The following C2CD2L variants were observed in gnomAD, a reference collection of about 807,000 sequenced individuals.
The protein encoded by C2CD2L is C2CD2 like, also known as phospholipid transfer protein C2CD2L.
Under a neutral mutation model 69.9 loss-of-function variants are expected in C2CD2L, and 24 were observed. The ratio of observed to expected loss-of-function variants is 0.34; its 90% CI spans 0.25 to 0.48. C2CD2L has a LOEUF of 0.48. Ranked by LOEUF, C2CD2L falls within the 20% of genes least tolerant of loss-of-function variation. The probability of loss-of-function intolerance (pLI) is 0.99; values close to 1 mark genes in which losing one functional copy is unlikely to be tolerated. For synonymous variants in C2CD2L, 367 were observed against 391.0 expected, an observed-to-expected ratio of 0.94 and a Z score of 0.72; for missense variants, 811 against 941.5, an observed-to-expected ratio of 0.86 and a Z score of 1.81.
chr11:119,111,491 G>A (rs370444138), intron 6 of C2CD2L, 30 bp from the exon 7 acceptor site: 38 of 1,608,454 alleles, frequency 2.4e-5, no homozygotes, highest in Non-Finnish European at 3.1e-5. Flanking sequence ...TCTCTGATCT[G>A]AGCATCTTCT....
rs1001610741 is a variant in C2CD2L, at chr11:119,110,349, T to G, written c.450+150T>G. 1.2e-6 allele frequency: 1 copy of G among 800,224 alleles called. No homozygotes were observed. Among genetic ancestry groups the G allele is most frequent in the Non-Finnish European group, 2.0e-6 (1 of 507,798 alleles). 49.6% of individuals were successfully genotyped at this position (800,224 alleles called of 1,614,324 possible). ...AGGAAGTCTGAGAATCCCATTGAAG[T>G]TATGTGCAAAATGTTGGATGTGTGT... On this transcript the variant is annotated intron_variant, in intron 2 of 13. Transcript: ENST00000648610. The surrounding 1 kb of genome is among the most constrained non-coding windows in gnomAD (Gnocchi z 5.7).
At chr11:119,104,483 T>C (rs1394321726), upstream of C2CD2L, among the ~76,000 whole-genome samples, 1 of 152,218 alleles carries the variant, frequency 6.6e-6, no homozygotes, top group Admixed American at 6.5e-5. Context: ...GTTACTAAGA[T>C]ACTTGTCAGA....
Position 119,111,052 on chromosome 11 carries a change from A to G in C2CD2L, c.682A>G (p.Arg228Gly). 6.2e-7 allele frequency: 1 copy of G among 1,613,944 alleles called. No homozygotes were observed. The highest frequency in any genetic ancestry group is 8.5e-7 in the Non-Finnish European group (1 of 1,179,874). ...TGTTGTTCCCTTCTTCTCTCTGCAG[A>G]GAGGTGAAGAACAAGTGGAGCTCTC... is the stretch of plus-strand genomic sequence containing the variant. ...TVLPKLQARE[R>G]GEEQVELSTI... The change falls in exon 5 of 14, where the codon AGA becomes GGA. Residue 228 changes from arginine (R) to glycine (G), a missense_variant and splice_region_variant. Coordinates refer to ENST00000648610, the MANE Select transcript of C2CD2L (RefSeq NM_001290474.2).
rs1200528525 is a variant in C2CD2L at position 119,108,041 on chromosome 11, G to A, written c.300G>A (p.Glu100=). The A allele has an allele frequency of 1.9e-6, 3 of 1,600,038 alleles. No individual in the cohort carries two copies. Among genetic ancestry groups the A allele is most frequent in the African/African-American group, 2.7e-5 (2 of 72,924 alleles). Residue 100 remains glutamate, a synonymous_variant, in exon 1 of 14, where the codon GAG becomes GAA. Transcript: ENST00000648610. ...ASLFAFKSFR[E]NWQRAWVRAL... The stretch of plus-strand genomic sequence containing the variant: ...TCTTCGCCTTCAAGTCTTTCCGGGA[G>A]AACTGGCAGCGGGCTTGGGTGCGAG...
chr11:119,112,972 T>G (rs1946791084), intron 10 of C2CD2L, 98 bp downstream of exon 10: 2 of 923,360 alleles, frequency 2.2e-6, no homozygotes, highest in East Asian at 5.1e-5. Context: ...TAATTCCAAC[T>G]CCCCCTGTTT....
In C2CD2L at chr11:119,111,268, C is replaced by A. The variant is rs1317071646; in HGVS notation, c.804C>A (p.Pro268=). The A allele has an allele frequency of 1.9e-6, 3 of 1,613,858 alleles. No homozygotes were observed. The highest frequency in any genetic ancestry group is 1.7e-5 in the Admixed American group (1 of 60,002). The stretch of plus-strand genomic sequence containing the variant: ...GGACCTTCTTCTGCTCTTAGGTACC[C>A]AGTGAGAAGCCACCCATGATGCCCC... ...RACSAPGGLV[P]SEKPPMMPQA... Residue 268 remains proline, a synonymous_variant, in exon 6 of 14, where the codon CCC becomes CCA. Transcript: ENST00000648610.
chr11:119,112,248 C>A, intron 7 of C2CD2L, 80 bp from the exon 8 acceptor site: 1 of 1,237,542 alleles, frequency 8.1e-7, no homozygotes, highest in Non-Finnish European at 1.1e-6. Flanking sequence ...CAGCTCTCTG[C>A]CTCTGGCCTG....
intron 10 of C2CD2L, chr11:119,113,168 G>A (rs1467783470): frequency 2.0e-6 from 1 of 493,324 alleles, no homozygotes; most frequent in Non-Finnish European, 3.6e-6. Context: ...CTTTTCACAG[G>A]TGTCCTTAGC....
chr11:119,112,990 T>G, intron 10 of C2CD2L, 116 bp downstream of exon 10: 1 of 824,376 alleles, frequency 1.2e-6, no homozygotes, highest in South Asian at 1.7e-5. Flanking sequence ...TTTTCAGACA[T>G]TCCATTCCAG....
chr11:119,106,273 C>T (rs1946585783), upstream of C2CD2L, among the ~76,000 whole-genome samples: 1 of 152,246 alleles, frequency 6.6e-6, no homozygotes, highest in Non-Finnish European at 1.5e-5. Flanking sequence ...ATTCCTCAGA[C>T]AACTACTTGG....
In C2CD2L at chr11:119,114,148, G is replaced by A; in HGVS notation, c.1692G>A (p.Gln564=). ...GYAASLEASV[Q]DDAGTSGGPS... ...CGGCATCCCTGGAAGCCTCAGTGCA[G>A]GATGATGCAGGGACCAGCGGAGGCC... Residue 564 remains glutamine (Q), a synonymous_variant, in exon 13 of 14, where the codon CAG becomes CAA. Transcript: ENST00000648610. This position sits in a 1 kb window ranked among gnomAD's most constrained non-coding sequence, Gnocchi z 5.1. The A allele has an allele frequency of 6.2e-7, 1 of 1,614,186 alleles. No homozygotes were observed. The highest frequency in any genetic ancestry group is 1.3e-5 in the African/African-American group (1 of 75,054).
chr11:119,113,600 C>G lies in C2CD2L; in HGVS notation c.1388-11C>G. 1 of 1,608,924 alleles carries G rather than the reference C, an allele frequency of 6.2e-7. No homozygotes were observed. Among genetic ancestry groups the G allele is most frequent in the South Asian group, 1.1e-5 (1 of 90,682 alleles). On this transcript the variant is annotated splice_polypyrimidine_tract_variant and intron_variant, in intron 10 of 13. Coordinates refer to ENST00000648610, the MANE Select transcript of C2CD2L (RefSeq NM_001290474.2). ...CAACTCCCAGCTCACTGACCCTCCC[C>G]CACCCACCAGACTCCCCCTCCCGCT... is the stretch of plus-strand genomic sequence containing the variant.
chr11:119,111,524 C>G lies in C2CD2L; in HGVS notation c.914C>G (p.Thr305Ser). The G allele has an allele frequency of 6.2e-7, 1 of 1,614,088 alleles. No homozygotes were observed. ...ASHLGNELEG[T>S]EELCCVAELD... ...TCTAACTTCTGGTTCATCACAGGCA[C>G]CGAGGAACTGTGCTGTGTAGCTGAA... The change falls in exon 7 of 14, where the codon ACC becomes AGC. Residue 305 changes from threonine (T) to serine (S), a missense_variant. By Grantham distance (58) the Thr-to-Ser change is moderately conservative. Coordinates refer to ENST00000648610, the MANE Select transcript of C2CD2L (RefSeq NM_001290474.2).
intron 1 of C2CD2L, chr11:119,108,315 G>T (rs552914084): frequency 7.0e-4 from 355 of 508,372 alleles, no homozygotes; most frequent in Non-Finnish European, 1.1e-3. Flanking sequence ...AGGTACTCTG[G>T]TTCCAAACCC....
At position 119,116,086 on chromosome 11, in the gene C2CD2L, A is replaced by C. The variant is rs1425218581; in HGVS notation, c.1951A>C (p.Arg651=). 4 of 1,614,012 alleles carry C rather than the reference A, an allele frequency of 2.5e-6. No homozygotes were observed. Among genetic ancestry groups the C allele is most frequent in the Admixed American group, 3.3e-5 (2 of 60,016 alleles). Residue 651 remains arginine (R), a synonymous_variant, in exon 14 of 14, where the codon AGG becomes CGG. Coordinates refer to ENST00000648610, the MANE Select transcript of C2CD2L (RefSeq NM_001290474.2). ...CGGCACTAAGCTCATCTTCCGCCGGAGGCCTAGGCAGAAGGAAGCTGGCCT... is the reference window on the plus strand; with the variant it reads ...CGGCACTAAGCTCATCTTCCGCCGGCGGCCTAGGCAGAAGGAAGCTGGCCT... The part of the protein sequence containing the change: ...RSGTKLIFRR[R]PRQKEAGLSQ...
At chr11:119,111,786 T>TGACCAAGATACAGCCCC (rs1348101838) in intron 7 of C2CD2L, 157 bp downstream of exon 7, 1 of 598,492 alleles carries the variant, frequency 1.7e-6, no homozygotes, top group East Asian at 2.8e-5. Flanking sequence ...GATACAGACT[T>TGACCAAGATACAGCCCC]GACCAAGATA....
Position 119,116,329 on chromosome 11 carries a change from C to CCCAGGCACTGGAGA in C2CD2L, c.*73_*74insCCAGGCACTGGAGA. 8.0e-7 allele frequency: 1 copy of CCCAGGCACTGGAGA among 1,256,938 alleles called. No homozygotes were observed. The highest frequency in any genetic ancestry group is 1.1e-6 in the Non-Finnish European group (1 of 872,126). The allele number at this position is 1,256,938 out of a possible 1,614,324, so 77.9% of individuals were successfully genotyped here. A position where few individuals can be genotyped will look rare whatever the true frequency, so the allele number is the denominator to read the frequency against. ...TCCCCTTCCATACCCCTTCCTGGAT[C>CCCAGGCACTGGAGA]TCCAGTGCCTGGGCCAGGAAAGCCC... On this transcript the variant is annotated 3_prime_UTR_variant, in exon 14 of 14. Transcript: ENST00000648610.
chr11:119,117,657 C>T lies in C2CD2L; in HGVS notation c.*1401C>T, dbSNP rs1946926508. The T allele has an allele frequency of 6.6e-6, 1 of 152,218 alleles. No individual in the cohort carries two copies. The highest frequency in any genetic ancestry group is 1.5e-5 in the Non-Finnish European group (1 of 68,046). The allele number at this position is 152,218 out of a possible 1,614,324, so 9.4% of individuals were successfully genotyped here. A position where few individuals can be genotyped will look rare whatever the true frequency, so the allele number is the denominator to read the frequency against. On this transcript the variant is annotated 3_prime_UTR_variant, in exon 14 of 14. Coordinates refer to ENST00000648610, the MANE Select transcript of C2CD2L (RefSeq NM_001290474.2). Reference sequence around the variant, plus strand: ...GAAGTGTTTCAACATAATAAAAGCTCTCTCATTCTGAAATGTGGGCAAATT... The same window carrying T: ...GAAGTGTTTCAACATAATAAAAGCTTTCTCATTCTGAAATGTGGGCAAATT...
At position 119,112,495 on chromosome 11, in the gene C2CD2L, C is replaced by T. The variant is rs756319579; in HGVS notation, c.1098C>T (p.Gly366=). The change falls in exon 9 of 14, where the codon GGC becomes GGT. Residue 366 remains glycine, a synonymous_variant. Transcript: ENST00000648610. ...SSSCGDTELL[G]QATLPVGSPS... ...CCCTTTCCCCAGCCGAACTCCTAGG[C>T]CAGGCCACACTGCCTGTGGGCTCCC... 3.7e-6 allele frequency: 6 copies of T among 1,613,874 alleles called. No individual in the cohort carries two copies. The highest frequency in any genetic ancestry group is 5.1e-6 in the Non-Finnish European group (6 of 1,179,910).
Sources: gnomAD v4.1 joint callset for allele counts (sites outside exome capture counted in the v4.1 genomes callset) on GRCh38, gnomAD v4.1.1 for gene constraint, Gnocchi (gnomAD v3.1) non-coding constraint, MANE v1.5 for transcripts, NCBI Gene and HGNC (gene_info 2026-07-23, HGNC 2026-07-21) for gene names.